The following DOP1A variants were observed in gnomAD, a reference collection of about 807,000 sequenced individuals.
DOP1A encodes DOP1 leucine zipper like protein A, also known as protein DOP1A.
In DOP1A, 90 loss-of-function variants were observed where a neutral mutation model predicts 267.6. The observed-to-expected ratio is 0.34, with a 90% CI of 0.28 to 0.40. The LOEUF (loss-of-function observed/expected upper bound fraction) is 0.40. DOP1A is among the 10% of genes least tolerant of loss of function. DOP1A has a pLI of 1.00. For synonymous variants in DOP1A, 932 were observed against 999.1 expected, an observed-to-expected ratio of 0.93 and a Z score of 1.27; for missense variants, 2,437 against 2,900.4, an observed-to-expected ratio of 0.84 and a Z score of 3.67.
chr6:83,163,202 A>G (rs1784643884), intron 38 of DOP1A, among the ~76,000 whole-genome samples: 2 of 152,302 alleles, frequency 1.3e-5, no homozygotes, highest in African/African-American at 2.4e-5. Flanking sequence ...TTTTCCCCTC[A>G]AAAAAGAAAA....
At chr6:83,166,415 C>A in intron 38 of DOP1A, 2 of 702,100 alleles carry the variant, frequency 2.8e-6, no homozygotes, top group Non-Finnish European at 5.2e-6. Context: ...ATTAGCAGTT[C>A]CTGGGCCAAA....
In DOP1A at chr6:83,140,379, C is replaced by T; in HGVS notation, c.5391C>T (p.Thr1797=). 1 of 1,609,838 alleles carries T rather than the reference C, an allele frequency of 6.2e-7. No individual in the cohort carries two copies. Residue 1797 remains threonine, a synonymous_variant, in exon 23 of 39, where the codon ACC becomes ACT. Transcript: ENST00000349129. ...CTATTGCCGCATCCGCATCTCTTACCACTATTAATCTTGGAGCTACAAAGG... is the reference window on the plus strand; with the variant it reads ...CTATTGCCGCATCCGCATCTCTTACTACTATTAATCTTGGAGCTACAAAGG... The part of the protein sequence containing the change: ...KMTIAASASL[T]TINLGATKNL...
rs538741246 is a variant in DOP1A at position 83,111,070 on chromosome 6, T to G, written c.681+756T>G. On this transcript the variant is annotated intron_variant, in intron 6 of 38. Coordinates refer to ENST00000349129, the MANE Select transcript of DOP1A (RefSeq NM_015018.4). The stretch of plus-strand genomic sequence containing the variant: ...TAGAAACACTGATCTGTTTACTGTT[T>G]CTATAGTTTTGTTTTTTCTAGAATG... Among the ~76,000 whole-genome samples the G allele has an allele frequency of 2.0e-5, 3 of 152,254 alleles. No individual in the cohort carries two copies. The South Asian group carries it at 6.2e-4, about 32-fold the overall frequency.
At chr6:83,152,404 G>A (rs758043458) in intron 30 of DOP1A, 37 bp downstream of exon 30, 1 of 970,470 alleles carries the variant, frequency 1.0e-6, no homozygotes, top group South Asian at 2.4e-5. Flanking sequence ...CTCTCAAGTA[G>A]ACTGTTTCAT....
chr6:83,099,028 T>G (rs1772031846), intron 3 of DOP1A, among the ~76,000 whole-genome samples: 1 of 151,746 alleles, frequency 6.6e-6, no homozygotes, highest in Non-Finnish European at 1.5e-5. Context: ...CAGGGGAAGA[T>G]TCCTGCCTTA....
At chr6:83,095,542 A>T (rs912535668) in intron 1 of DOP1A, among the ~76,000 whole-genome samples, 3 of 152,190 alleles carry the variant, frequency 2.0e-5, no homozygotes, top group Non-Finnish European at 2.9e-5. Flanking sequence ...CAAGTTAGTT[A>T]GAAGTCAGTT....
At chr6:83,131,628 T>C (rs1778040206) in intron 17 of DOP1A, among the ~76,000 whole-genome samples, 1 of 152,094 alleles carries the variant, frequency 6.6e-6, no homozygotes, top group Admixed American at 6.6e-5. Flanking sequence ...TGGGGTCTTA[T>C]CTGGGCCCTG....
chr6:83,097,996 G>A (rs1052507517), intron 3 of DOP1A, among the ~76,000 whole-genome samples: 2 of 151,844 alleles, frequency 1.3e-5, no homozygotes, highest in Non-Finnish European at 2.9e-5. Flanking sequence ...GGGCTCAAGG[G>A]ATCCTCCCAC....
chr6:83,080,308 A>G (rs1158479043), intron 1 of DOP1A, among the ~76,000 whole-genome samples: 1 of 152,220 alleles, frequency 6.6e-6, no homozygotes, highest in Non-Finnish European at 1.5e-5. Context: ...ACTTCTTTCT[A>G]TAGATACTGT....
At chr6:83,148,901 A>ACAAT in intron 27 of DOP1A, 38 bp downstream of exon 27, 3 of 1,263,456 alleles carry the variant, frequency 2.4e-6, no homozygotes, top group Non-Finnish European at 3.2e-6. Flanking sequence ...AAATAAAAGG[A>ACAAT]TAATGTTAAT....
intron 1 of DOP1A, among the ~76,000 whole-genome samples, chr6:83,079,486 G>A (rs1400650960): frequency 6.6e-6 from 1 of 152,196 alleles, no homozygotes; most frequent in Admixed American, 6.5e-5. Flanking sequence ...ATAGAAAAAT[G>A]TTTGGCTAGT....
In DOP1A at chr6:83,132,299, A is replaced by G. The variant is rs767198004; in HGVS notation, c.2740A>G (p.Ile914Val). The G allele has an allele frequency of 3.7e-6, 6 of 1,612,680 alleles. No homozygotes were observed. The highest frequency in any genetic ancestry group is 1.1e-5 in the South Asian group (1 of 90,980). ...TTCTTCTAGCATCTGTGAGGATGTTATAAGTCAGCAGTTAACCCATAAAGA... is the reference window on the plus strand; with the variant it reads ...TTCTTCTAGCATCTGTGAGGATGTTGTAAGTCAGCAGTTAACCCATAAAGA... ...VPSSSICEDVISQQLTHKDKK... is the reference protein window; with the variant it reads ...VPSSSICEDVVSQQLTHKDKK... Residue 914 changes from isoleucine to valine, a missense_variant, in exon 18 of 39, where the codon ATA becomes GTA. Physicochemically the swap from Ile to Val is conservative, Grantham distance 29. Around this residue, in one of 9 missense-constraint regions of DOP1A, gnomAD observed 878 missense variants for 992.9 expected, o/e 0.88. Transcript: ENST00000349129.
At chr6:83,100,356 A>T (rs1039029517) in intron 3 of DOP1A, among the ~76,000 whole-genome samples, 2 of 152,144 alleles carry the variant, frequency 1.3e-5, no homozygotes, top group African/African-American at 4.8e-5. Flanking sequence ...GTAACTTTCC[A>T]TGTTACATGT....
chr6:83,164,169 A>G (rs765005889), intron 38 of DOP1A, among the ~76,000 whole-genome samples: 15 of 149,704 alleles, frequency 1.0e-4, no homozygotes, highest in Non-Finnish European at 2.2e-4. Context: ...ATCAGGCAGC[A>G]GCTCTTAAAC....
chr6:83,169,963 T>C (rs1022463207), downstream of DOP1A: 26 of 382,776 alleles, frequency 6.8e-5, no homozygotes, highest in Non-Finnish European at 7.0e-5. Context: ...GTTGTTTTCA[T>C]GTCACAAGAG....
downstream of DOP1A, chr6:83,169,908 A>G (rs1786733109): frequency 2.4e-6 from 1 of 411,416 alleles, no homozygotes; most frequent in South Asian, 1.8e-5. Flanking sequence ...ACAAATCAAG[A>G]GTCCAGAATG....
chr6:83,166,357 C>G lies in DOP1A; in HGVS notation c.7093-1505C>G, dbSNP rs910346083. Reference sequence around the variant, plus strand: ...CACTGCACTCCTCATCTTCAAGGCTCTAGTCTCCTTTGCAAAACTTCTTGA... The same window carrying G: ...CACTGCACTCCTCATCTTCAAGGCTGTAGTCTCCTTTGCAAAACTTCTTGA... On this transcript the variant is annotated intron_variant, in intron 38 of 38. Transcript: ENST00000349129. The G allele has an allele frequency of 7.2e-5, 50 of 697,728 alleles. No individual in the cohort carries two copies. The Admixed American group carries it at 7.9e-4, about 11-fold the overall frequency. 43.2% of individuals were successfully genotyped at this position (697,728 alleles called of 1,614,324 possible).
At chr6:83,147,426 G>GA in intron 26 of DOP1A, 135 bp downstream of exon 26, 1 of 400,240 alleles carries the variant, frequency 2.5e-6, no homozygotes, top group Non-Finnish European at 4.4e-6. Context: ...AAGACCTAAG[G>GA]ATATTGAAGA....
chr6:83,151,735 T>C (rs918707776), intron 28 of DOP1A, 76 bp downstream of exon 28: 1 of 1,478,018 alleles, frequency 6.8e-7, no homozygotes, highest in Non-Finnish European at 9.2e-7. Context: ...TCAAATAAAA[T>C]AAACTGAAGT....
Sources: gnomAD v4.1 joint callset for allele counts (sites outside exome capture counted in the v4.1 genomes callset) on GRCh38, gnomAD v4.1.1 for gene constraint, gnomAD v4.1.1 regional missense constraint, MANE v1.5 for transcripts, NCBI Gene and HGNC (gene_info 2026-07-23, HGNC 2026-07-21) for gene names.